The following SDK1 variants were observed in gnomAD, a reference collection of about 807,000 sequenced individuals.
The protein encoded by SDK1 is protein sidekick-1.
Under a neutral mutation model 245.5 loss-of-function variants are expected in SDK1, and 157 were observed. That is an observed-to-expected ratio of 0.64 (90% CI 0.56 to 0.73). SDK1 has a LOEUF of 0.73. Among genes scored for constraint, SDK1 ranks in the 30% least tolerant of loss-of-function variants. SDK1 has a pLI of 0.00. For synonymous variants in SDK1, 1,647 were observed against 1,278.5 expected (o/e 1.29, Z -6.15); for missense variants, 3,583 against 3,002.3 (o/e 1.19, Z -4.52).
In SDK1 at chr7:4,220,128, C is replaced by T. The variant is rs759079460; in HGVS notation, c.5559C>T (p.Thr1853=). ...APVQGVSKVV[T]VEVRGNWQRW... The stretch of plus-strand genomic sequence containing the variant: ...CTGCAGGGGTGAGCAAGGTGGTGAC[C>T]GTGGAAGTGAGAGGGAACTGGCAGC... The change falls in exon 39 of 45, where the codon ACC becomes ACT. Residue 1853 remains threonine, a synonymous_variant. Coordinates refer to ENST00000404826, the MANE Select transcript of SDK1 (RefSeq NM_152744.4). 1.4e-5 allele frequency: 22 copies of T among 1,613,748 alleles called. No individual in the cohort carries two copies. The highest frequency in any genetic ancestry group is 3.3e-5 in the South Asian group (3 of 91,046).
chr7:4,032,686 G>A (rs1402792594), intron 17 of SDK1, among the ~76,000 whole-genome samples: 1 of 152,226 alleles, frequency 6.6e-6, no homozygotes, highest in African/African-American at 2.4e-5. Context: ...GCAAAACATA[G>A]CTTGAAGTTG....
chr7:4,214,694 G>A (rs192030550), intron 38 of SDK1, among the ~76,000 whole-genome samples: 1 of 152,146 alleles, frequency 6.6e-6, no homozygotes, highest in East Asian at 1.9e-4. Context: ...TCCAGACTTC[G>A]GATTCCTGCA....
At chr7:3,754,287 C>T (rs910096485) in intron 4 of SDK1, among the ~76,000 whole-genome samples, 2 of 151,928 alleles carry the variant, frequency 1.3e-5, no homozygotes, top group Non-Finnish European at 2.9e-5. Context: ...TGTATTACAC[C>T]CTTCAGCAAA....
At chr7:3,493,963 C>G (rs549994822) in intron 1 of SDK1, among the ~76,000 whole-genome samples, 2 of 152,294 alleles carry the variant, frequency 1.3e-5, no homozygotes, top group South Asian at 2.1e-4. Context: ...ATAGCCAGAA[C>G]AGGCAGAAGA....
chr7:3,690,763 G>T (rs1199352591), intron 4 of SDK1, among the ~76,000 whole-genome samples: 1 of 152,012 alleles, frequency 6.6e-6, no homozygotes, highest in Non-Finnish European at 1.5e-5. Flanking sequence ...TCTACTACAA[G>T]GTCAAAATAA....
At chr7:3,647,602 G>C (rs61175597) in intron 4 of SDK1, among the ~76,000 whole-genome samples, 12,809 of 151,596 alleles carry the variant, frequency 0.084, 985 homozygotes, top group East Asian at 0.35. Context: ...ATTTTTTTTT[G>C]TATTTTTATT....
intron 1 of SDK1, among the ~76,000 whole-genome samples, chr7:3,503,660 G>C (rs1782290670): frequency 6.6e-6 from 1 of 152,022 alleles, no homozygotes; most frequent in Non-Finnish European, 1.5e-5. Flanking sequence ...CTGGGTGATA[G>C]AGCCAGACCT....
chr7:4,236,398 A>G (rs187763980), intron 41 of SDK1, among the ~76,000 whole-genome samples: 2 of 152,058 alleles, frequency 1.3e-5, no homozygotes, highest in African/African-American at 2.4e-5. Flanking sequence ...CCGCCTTTAC[A>G]TGCATTTTTT....
intron 1 of SDK1, among the ~76,000 whole-genome samples, chr7:3,586,514 C>T (rs541124684): frequency 3.5e-4 from 52 of 150,376 alleles, no homozygotes; most frequent in African/African-American, 7.3e-4. Context: ...TGGCTAACAC[C>T]GTGAAACCCT....
chr7:3,909,695 A>G (rs1336668112), intron 5 of SDK1, among the ~76,000 whole-genome samples: 2 of 152,240 alleles, frequency 1.3e-5, no homozygotes, highest in Non-Finnish European at 2.9e-5. Flanking sequence ...ACGGCTTTAA[A>G]GTAGGAATAT....
chr7:3,343,030 G>T (rs146819855), intron 1 of SDK1, among the ~76,000 whole-genome samples: 1 of 148,650 alleles, frequency 6.7e-6, no homozygotes, highest in African/African-American at 2.5e-5. Context: ...CCAAATGTTG[G>T]TGAAGATGCA....
At chr7:3,900,505 C>T (rs945787797) in intron 5 of SDK1, among the ~76,000 whole-genome samples, 13 of 152,118 alleles carry the variant, frequency 8.5e-5, no homozygotes, top group Non-Finnish European at 1.8e-4. Flanking sequence ...CTCGTCCTGC[C>T]CATCCTTCTT....
At chr7:4,150,553 T>A (rs643831) in intron 30 of SDK1, among the ~76,000 whole-genome samples, 26,410 of 152,172 alleles carry the variant, frequency 0.17, 2,526 homozygotes, top group African/African-American at 0.25. Context: ...GTCGGTCATT[T>A]GCTCATATCC....
At chr7:3,519,743 G>A (rs918224351) in intron 1 of SDK1, among the ~76,000 whole-genome samples, 1 of 151,932 alleles carries the variant, frequency 6.6e-6, no homozygotes, top group African/African-American at 2.4e-5. Flanking sequence ...CACAATAGAG[G>A]TTATCATTAA....
chr7:3,380,716 C>T lies in SDK1; in HGVS notation c.298+78832C>T, dbSNP rs750302904. ...TGTCTTCTTGATTTACTGTAGAGTA[C>T]GGCTTTTGACCTCATCATAACAGAG... On this transcript the variant is annotated intron_variant, in intron 1 of 44. Coordinates refer to ENST00000404826, the MANE Select transcript of SDK1 (RefSeq NM_152744.4). 5.0e-4 allele frequency among the ~76,000 whole-genome samples: 76 copies of T among 152,262 alleles called. 1 individual carries two copies. Among genetic ancestry groups the T allele is most frequent in the Non-Finnish European group, 9.0e-4 (61 of 68,022 alleles).
intron 1 of SDK1, among the ~76,000 whole-genome samples, chr7:3,558,257 G>A (rs756194071): frequency 9.9e-5 from 15 of 152,214 alleles, no homozygotes; most frequent in Admixed American, 2.6e-4. Context: ...GATCAAAGGA[G>A]TTGCTGGAGG....
At chr7:3,839,538 A>G (rs1327782297) in intron 5 of SDK1, among the ~76,000 whole-genome samples, 5 of 152,194 alleles carry the variant, frequency 3.3e-5, no homozygotes, top group Admixed American at 2.6e-4. Context: ...CCATCTGTTT[A>G]TTTATGAAAA....
At chr7:4,069,832 G>T (rs1562762245) in intron 20 of SDK1, among the ~76,000 whole-genome samples, 1 of 152,210 alleles carries the variant, frequency 6.6e-6, no homozygotes, top group African/African-American at 2.4e-5. Flanking sequence ...CACACAAGGG[G>T]TGTCTTATAA....
At chr7:4,044,011 C>T (rs1480837740) in intron 17 of SDK1, among the ~76,000 whole-genome samples, 1 of 152,138 alleles carries the variant, frequency 6.6e-6, no homozygotes, top group Non-Finnish European at 1.5e-5. Context: ...TTTCTTTCAG[C>T]AGAGATTGTT....
Sources: allele counts gnomAD v4.1 joint callset (sites outside exome capture counted in the v4.1 genomes callset), GRCh38; gene constraint gnomAD v4.1.1; transcripts MANE v1.5; gene names NCBI Gene and HGNC (gene_info 2026-07-23, HGNC 2026-07-21).